Variants in VWF observed in about 807,000 individuals in gnomAD.
VWF encodes von Willebrand factor.
A neutral mutation model predicts 308.6 loss-of-function variants in VWF; 176 were observed. The ratio of observed to expected loss-of-function variants is 0.57; its 90% CI spans 0.50 to 0.65. The LOEUF (loss-of-function observed/expected upper bound fraction) is 0.65. Among genes scored for constraint, VWF ranks in the 30% least tolerant of loss-of-function variants. The probability of loss-of-function intolerance (pLI) is 0.00; values close to 1 mark genes in which losing one functional copy is unlikely to be tolerated. For missense variants in VWF, 3,146 were observed against 3,648.2 expected, an observed-to-expected ratio of 0.86 and a Z score of 3.55; for synonymous variants, 1,385 against 1,443.4, an observed-to-expected ratio of 0.96 and a Z score of 0.92.
chr12:5,994,232 T>G (rs200698422), intron 36 of VWF, 29 bp from the exon 37 acceptor site: 1 of 1,612,658 alleles, frequency 6.2e-7, no homozygotes, highest in East Asian at 2.2e-5. Context: ...AAAAAAAAGA[T>G]AAACTGAGTG....
chr12:6,052,324 C>G (rs1189284703), intron 16 of VWF, among the ~76,000 whole-genome samples: 2 of 152,212 alleles, frequency 1.3e-5, no homozygotes, highest in Non-Finnish European at 2.9e-5. Flanking sequence ...TCAAGAACTC[C>G]TACTGCCAGC....
intron 15 of VWF, among the ~76,000 whole-genome samples, chr12:6,054,335 G>A (rs1944552883): frequency 6.6e-6 from 1 of 152,250 alleles, no homozygotes; most frequent in African/African-American, 2.4e-5. Context: ...TACTGAGGGA[G>A]TGTAGGTTAA....
chr12:6,015,337 T>C (rs1247543575), intron 31 of VWF, among the ~76,000 whole-genome samples: 1 of 152,322 alleles, frequency 6.6e-6, no homozygotes, highest in East Asian at 1.9e-4. Flanking sequence ...GTAGCTCATA[T>C]GTGACATAGA....
chr12:6,103,381 T>TACACGTGTGTGTATAC (rs1945192162), intron 5 of VWF, among the ~76,000 whole-genome samples: 20 of 130,504 alleles, frequency 1.5e-4, no homozygotes, highest in South Asian at 4.5e-4. Context: ...TGTGTGTGTA[T>TACACGTGTGTGTATAC]ACACGTGTGT....
In VWF at chr12:6,113,019, G is replaced by A. The variant is rs189185056; in HGVS notation, c.221-2051C>T. Among the ~76,000 whole-genome samples, 24 of 152,228 alleles carry A rather than the reference G, an allele frequency of 1.6e-4. 1 individual carries two copies. In the East Asian group the frequency reaches 4.2e-3, roughly 27 times the overall value. Reference sequence around the variant, plus strand: ...ATTCTAGGAATAGTTTTAATGATATGCCAGCAGCAGCAGCCACCAGGAAAG... The same window carrying A: ...ATTCTAGGAATAGTTTTAATGATATACCAGCAGCAGCAGCCACCAGGAAAG... On this transcript the variant is annotated intron_variant, in intron 3 of 51. Coordinates refer to ENST00000261405, the MANE Select transcript of VWF (RefSeq NM_000552.5).
At chr12:5,982,373 A>G (rs921808610) in intron 41 of VWF, among the ~76,000 whole-genome samples, 1 of 152,172 alleles carries the variant, frequency 6.6e-6, no homozygotes, top group Non-Finnish European at 1.5e-5. Flanking sequence ...GTTCTATGCC[A>G]GGAGCTTCTG....
At chr12:6,052,938 A>G (rs1944535041) in intron 15 of VWF, among the ~76,000 whole-genome samples, 155 bp from the exon 16 acceptor site, 1 of 152,246 alleles carries the variant, frequency 6.6e-6, no homozygotes, top group Non-Finnish European at 1.5e-5. Flanking sequence ...TACAAGAAGT[A>G]ATGCAGAAAG....
chr12:6,095,716 A>C, intron 5 of VWF, 132 bp from the exon 6 acceptor site: 1 of 1,344,840 alleles, frequency 7.4e-7, no homozygotes, highest in Admixed American at 1.9e-5. Flanking sequence ...GGGTCTGGCT[A>C]TGTTTCCCAG....
chr12:6,115,224 G>C (rs778324942), intron 3 of VWF, among the ~76,000 whole-genome samples: 1 of 151,998 alleles, frequency 6.6e-6, no homozygotes, highest in African/African-American at 2.4e-5. Flanking sequence ...TTTTTGTACA[G>C]ATGGGGGTCT....
At chr12:6,006,561 A>T (rs1036964867) in intron 34 of VWF, among the ~76,000 whole-genome samples, 5 of 152,140 alleles carry the variant, frequency 3.3e-5, no homozygotes, top group Non-Finnish European at 5.9e-5. Context: ...GCAGATCATG[A>T]GAGATCAGGA....
intron 5 of VWF, among the ~76,000 whole-genome samples, chr12:6,108,150 C>T (rs1945263838): frequency 6.6e-6 from 1 of 151,596 alleles, no homozygotes; most frequent in African/African-American, 2.4e-5. Flanking sequence ...AAAAATTAGC[C>T]AGGCGTGGTG....
chr12:6,081,326 A>G (rs1944907725), intron 6 of VWF, among the ~76,000 whole-genome samples: 1 of 149,342 alleles, frequency 6.7e-6, no homozygotes, highest in African/African-American at 2.6e-5. Flanking sequence ...TTACTAGGCC[A>G]GTGGTGTTTT....
intron 5 of VWF, 75 bp from the exon 6 acceptor site, chr12:6,095,659 C>G: frequency 1.2e-6 from 2 of 1,606,074 alleles, no homozygotes; most frequent in African/African-American, 2.7e-5. Flanking sequence ...AATTCTAGGT[C>G]TGCTGGTGGT....
intron 3 of VWF, among the ~76,000 whole-genome samples, chr12:6,116,752 G>A (rs1565395745): frequency 1.3e-5 from 2 of 152,202 alleles, no homozygotes; most frequent in Non-Finnish European, 2.9e-5. Flanking sequence ...ACAGAATCAA[G>A]GACAGGGGCC....
chr12:6,016,466 A>G (rs767432883), intron 30 of VWF, 50 bp downstream of exon 30: 36 of 1,596,088 alleles, frequency 2.3e-5, no homozygotes, highest in Non-Finnish European at 2.8e-5. Context: ...TATGCCAAAA[A>G]TAAGAACCAG....
intron 10 of VWF, among the ~76,000 whole-genome samples, chr12:6,069,601 G>A (rs1252448437): frequency 6.6e-6 from 1 of 152,186 alleles, no homozygotes; most frequent in Admixed American, 6.5e-5. Context: ...ATGCTTGTGT[G>A]CGTGGGTGCA....
At chr12:6,061,455 T>C (rs559762291) in intron 13 of VWF, among the ~76,000 whole-genome samples, 1 of 148,316 alleles carries the variant, frequency 6.7e-6, no homozygotes, top group South Asian at 2.1e-4. Flanking sequence ...TGGTTGCAGG[T>C]TTATTTTCAT....
chr12:6,043,184 G>A (rs1289866824), intron 18 of VWF, among the ~76,000 whole-genome samples: 2 of 152,234 alleles, frequency 1.3e-5, no homozygotes, highest in Non-Finnish European at 2.9e-5. Context: ...CAGAGGAGGA[G>A]AGAATTAACA....
At chr12:6,028,783 C>T (rs1433038784) in intron 22 of VWF, among the ~76,000 whole-genome samples, 1 of 152,184 alleles carries the variant, frequency 6.6e-6, no homozygotes, top group Non-Finnish European at 1.5e-5. Flanking sequence ...AAAGAAACAA[C>T]CAGTACCAGC....
Sources: allele counts gnomAD v4.1 joint callset (sites outside exome capture counted in the v4.1 genomes callset), GRCh38; gene constraint gnomAD v4.1.1; transcripts MANE v1.5; gene names NCBI Gene and HGNC (gene_info 2026-07-23, HGNC 2026-07-21).